The following CCDC148 variants were observed in gnomAD, a reference collection of about 807,000 sequenced individuals.
CCDC148 encodes the protein coiled-coil domain containing 148.
CCDC148 carries 89 observed loss-of-function variants against 85.7 expected under a neutral mutation model. That is an observed-to-expected ratio of 1.04 (90% CI 0.87 to 1.24). The LOEUF (loss-of-function observed/expected upper bound fraction) is 1.24. CCDC148 is among the 50% of genes most tolerant of loss of function. The probability of loss-of-function intolerance (pLI) is 0.00; values close to 1 mark genes in which losing one functional copy is unlikely to be tolerated. For synonymous variants in CCDC148, 230 were observed against 213.9 expected (o/e 1.08, Z -0.66); for missense variants, 692 against 671.7 (o/e 1.03, Z -0.33).
intron 9 of CCDC148, 35 bp downstream of exon 9, chr2:158,309,398 C>T (rs1421336291): frequency 3.3e-6 from 5 of 1,524,082 alleles, no homozygotes; most frequent in South Asian, 1.2e-5. Context: ...CTTAAATATC[C>T]AGACAAATAC....
At chr2:158,288,005 C>T (rs756468622) in intron 9 of CCDC148, among the ~76,000 whole-genome samples, 15 of 152,190 alleles carry the variant, frequency 9.9e-5, no homozygotes, top group Non-Finnish European at 1.8e-4. Flanking sequence ...TCTGTGCACC[C>T]GCAGGCTTAA....
intron 7 of CCDC148, among the ~76,000 whole-genome samples, chr2:158,322,313 C>G (rs1053780747): frequency 2.0e-5 from 3 of 151,882 alleles, no homozygotes; most frequent in African/African-American, 4.8e-5. Context: ...TAATACTATC[C>G]ATCTAATTTA....
At chr2:158,215,897 T>G (rs536697902) in intron 11 of CCDC148, among the ~76,000 whole-genome samples, 1 of 152,176 alleles carries the variant, frequency 6.6e-6, no homozygotes, top group African/African-American at 2.4e-5. Flanking sequence ...CTCTTCACCA[T>G]GTGAAGTCAC....
intron 9 of CCDC148, among the ~76,000 whole-genome samples, chr2:158,267,819 G>A (rs777628295): frequency 1.4e-4 from 22 of 152,112 alleles, no homozygotes; most frequent in African/African-American, 4.8e-5. Context: ...GCCTTTTCTA[G>A]AACGTTATAT....
At chr2:158,235,183 G>A (rs80258591) in intron 10 of CCDC148, among the ~76,000 whole-genome samples, 6 of 152,168 alleles carry the variant, frequency 3.9e-5, no homozygotes, top group African/African-American at 1.2e-4. Flanking sequence ...TATATTATGT[G>A]TAAGTATATT....
At chr2:158,291,075 C>T (rs9677493) in intron 9 of CCDC148, among the ~76,000 whole-genome samples, 58,774 of 151,442 alleles carry the variant, frequency 0.39, 11,972 homozygotes, top group East Asian at 0.59. Flanking sequence ...TAAAATCCAT[C>T]GCTGCCCCTA....
intron 1 of CCDC148, among the ~76,000 whole-genome samples, chr2:158,438,200 C>T (rs574181788): frequency 6.6e-6 from 1 of 152,254 alleles, no homozygotes; most frequent in African/African-American, 2.4e-5. Context: ...AAGCTGGAGG[C>T]ATCATGTTAC....
chr2:158,417,829 G>T (rs1418335146), intron 1 of CCDC148, among the ~76,000 whole-genome samples: 2 of 152,116 alleles, frequency 1.3e-5, no homozygotes, highest in African/African-American at 2.4e-5. Context: ...TTCATTTGTA[G>T]ATCCCCCTGA....
At chr2:158,196,754 C>G (rs1358896999) in intron 11 of CCDC148, among the ~76,000 whole-genome samples, 1 of 152,098 alleles carries the variant, frequency 6.6e-6, no homozygotes, top group Non-Finnish European at 1.5e-5. Context: ...GCTCAAAATC[C>G]CTGCTCTTTT....
chr2:158,252,116 T>A (rs542525475), intron 9 of CCDC148, among the ~76,000 whole-genome samples: 5 of 151,968 alleles, frequency 3.3e-5, no homozygotes, highest in African/African-American at 1.2e-4. Context: ...AAATACTTCA[T>A]TTCTTACACA....
chr2:158,388,168 A>G (rs1042513422), intron 1 of CCDC148, among the ~76,000 whole-genome samples: 1 of 152,234 alleles, frequency 6.6e-6, no homozygotes, highest in African/African-American at 2.4e-5. Flanking sequence ...AAAATGTTTG[A>G]TACACAAATT....
chr2:158,415,166 T>C (rs79592043), intron 1 of CCDC148, among the ~76,000 whole-genome samples: 1 of 148,268 alleles, frequency 6.7e-6, no homozygotes, highest in Non-Finnish European at 1.5e-5. Flanking sequence ...AAATGGCTCA[T>C]GGTTTTACAG....
At chr2:158,337,511 G>A (rs144247852) in intron 7 of CCDC148, among the ~76,000 whole-genome samples, 4 of 152,092 alleles carry the variant, frequency 2.6e-5, no homozygotes, top group Admixed American at 6.6e-5. Flanking sequence ...ACTTCACTAC[G>A]ACTGAGTTCC....
chr2:158,242,847 G>A (rs1364752897), intron 10 of CCDC148, among the ~76,000 whole-genome samples: 1 of 152,012 alleles, frequency 6.6e-6, no homozygotes, highest in Non-Finnish European at 1.5e-5. Context: ...TGAGCCTTTA[G>A]TGAAATATCA....
intron 1 of CCDC148, among the ~76,000 whole-genome samples, chr2:158,389,765 A>G (rs889814451): frequency 6.6e-6 from 1 of 152,218 alleles, no homozygotes. Flanking sequence ...TAAAAAATTC[A>G]GCACAAAAGT....
At chr2:158,215,345 C>T (rs138926532) in intron 11 of CCDC148, among the ~76,000 whole-genome samples, 16 of 152,132 alleles carry the variant, frequency 1.1e-4, no homozygotes, top group African/African-American at 3.6e-4. Flanking sequence ...TGCAGAGATA[C>T]CATGTATCAT....
At chr2:158,270,801 G>A (rs1344207573) in intron 9 of CCDC148, among the ~76,000 whole-genome samples, 2 of 152,126 alleles carry the variant, frequency 1.3e-5, no homozygotes, top group African/African-American at 4.8e-5. Flanking sequence ...GTTACCAGGG[G>A]GGAGTACTTT....
At chr2:158,422,385 C>T (rs1219694168) in intron 1 of CCDC148, among the ~76,000 whole-genome samples, 2 of 152,086 alleles carry the variant, frequency 1.3e-5, no homozygotes, top group South Asian at 2.1e-4. Context: ...GCTTATTCAC[C>T]ATGATCAAGT....
At chr2:158,262,660 T>C (rs1574501084) in intron 9 of CCDC148, among the ~76,000 whole-genome samples, 1 of 151,882 alleles carries the variant, frequency 6.6e-6, no homozygotes, top group South Asian at 2.1e-4. Context: ...ATGTCTTACA[T>C]AGTGGCAGGA....
Sources: allele counts gnomAD v4.1 joint callset (sites outside exome capture counted in the v4.1 genomes callset), GRCh38; gene constraint gnomAD v4.1.1; transcripts MANE v1.5; gene names NCBI Gene and HGNC (gene_info 2026-07-23, HGNC 2026-07-21).